LRBA: variants seen among roughly 807,000 people sequenced by gnomAD.
LRBA encodes the protein LPS responsive beige-like anchor protein.
In LRBA, 176 loss-of-function variants were observed where a neutral mutation model predicts 330.0. The observed-to-expected ratio is 0.53, with a 90% CI of 0.47 to 0.60. The LOEUF (loss-of-function observed/expected upper bound fraction) is 0.60, where lower values mean the gene tolerates loss of function less well. LRBA is among the 20% of genes least tolerant of loss of function. The pLI is 0.00. For synonymous variants in LRBA, 1,230 were observed against 1,193.0 expected (o/e 1.03, Z -0.64); for missense variants, 3,259 against 3,444.8 (o/e 0.95, Z 1.35).
At chr4:150,379,024 G>C (rs1038206451) in intron 47 of LRBA, among the ~76,000 whole-genome samples, 5 of 151,934 alleles carry the variant, frequency 3.3e-5, no homozygotes, top group African/African-American at 1.2e-4. Context: ...ATCAGGCCAG[G>C]CATGGTGGCT....
At chr4:150,568,280 T>G (rs1400848946) in intron 40 of LRBA, among the ~76,000 whole-genome samples, 2 of 152,160 alleles carry the variant, frequency 1.3e-5, no homozygotes, top group East Asian at 3.8e-4. Context: ...TGGGGGCCAA[T>G]GTGAAACAAA....
chr4:150,607,803 G>A, intron 37 of LRBA, among the ~76,000 whole-genome samples: 1 of 152,136 alleles, frequency 6.6e-6, no homozygotes, highest in Non-Finnish European at 1.5e-5. Context: ...TTGGGAGGCT[G>A]AGGCGGGCGG....
intron 42 of LRBA, among the ~76,000 whole-genome samples, chr4:150,476,001 T>C (rs1169398300): frequency 6.6e-6 from 1 of 152,172 alleles, no homozygotes; most frequent in Non-Finnish European, 1.5e-5. Context: ...ATTTGTGTCA[T>C]CTTTCATGGT....
chr4:150,357,651 CT>C (rs142531975), intron 47 of LRBA, among the ~76,000 whole-genome samples: 29,729 of 138,200 alleles, frequency 0.22, 3,410 homozygotes, highest in Non-Finnish European at 0.28. Context: ...GGATATTGAG[CT>C]TTTTTTTTTT....
intron 47 of LRBA, among the ~76,000 whole-genome samples, chr4:150,351,608 G>A (rs1426283117): frequency 6.6e-6 from 1 of 152,126 alleles, no homozygotes; most frequent in African/African-American, 2.4e-5. Flanking sequence ...AGAATGGCAT[G>A]AACCCAGGAG....
chr4:150,795,224 T>A (rs1740615679), intron 34 of LRBA, among the ~76,000 whole-genome samples: 1 of 152,070 alleles, frequency 6.6e-6, no homozygotes, highest in Non-Finnish European at 1.5e-5. Flanking sequence ...TACAAACACT[T>A]TATATAATGC....
rs931335064 is a variant in LRBA at position 150,265,939 on chromosome 4, A to G, written c.8469-127T>C. 2.0e-5 allele frequency: 13 copies of G among 651,644 alleles called. No individual in the cohort carries two copies. The African/African-American group carries it at 2.3e-4, about 12-fold the overall frequency. 40.4% of individuals were successfully genotyped at this position (651,644 alleles called of 1,614,324 possible). ...GCAGTGAAGGCTCCAATTTGTGGGA[A>G]CTAAGGTATGTATTTCATGACTAAA... On this transcript the variant is annotated intron_variant, in intron 56 of 56. Transcript: ENST00000651943.
intron 48 of LRBA, among the ~76,000 whole-genome samples, chr4:150,345,580 T>G (rs1170159299): frequency 1.3e-5 from 2 of 152,186 alleles, no homozygotes; most frequent in Admixed American, 6.5e-5. Context: ...GCGGTTTACA[T>G]GCATTATATG....
At chr4:150,670,113 G>A (rs1043624127) in intron 37 of LRBA, among the ~76,000 whole-genome samples, 1 of 152,042 alleles carries the variant, frequency 6.6e-6, no homozygotes, top group African/African-American at 2.4e-5. Flanking sequence ...TGAAACAATG[G>A]AATTATCTTT....
At chr4:150,273,037 A>G (rs747696481) in intron 56 of LRBA, among the ~76,000 whole-genome samples, 15 of 152,182 alleles carry the variant, frequency 9.9e-5, no homozygotes, top group Non-Finnish European at 1.3e-4. Context: ...AAATGAAGGA[A>G]AAATTGTTAA....
chr4:150,442,862 T>C (rs1343633586), intron 44 of LRBA, among the ~76,000 whole-genome samples: 1 of 152,162 alleles, frequency 6.6e-6, no homozygotes, highest in Non-Finnish European at 1.5e-5. Flanking sequence ...TTAGGAAATG[T>C]TACATCATAA....
At chr4:150,778,729 C>A (rs1737758438) in intron 34 of LRBA, among the ~76,000 whole-genome samples, 1 of 152,266 alleles carries the variant, frequency 6.6e-6, no homozygotes, top group East Asian at 1.9e-4. Context: ...TGTATCAGGG[C>A]TCCACATTTA....
intron 40 of LRBA, among the ~76,000 whole-genome samples, chr4:150,520,985 T>C (rs1239077767): frequency 6.6e-6 from 1 of 152,200 alleles, no homozygotes; most frequent in Non-Finnish European, 1.5e-5. Context: ...TTTAATTAAA[T>C]AAGCTTTAGA....
intron 37 of LRBA, among the ~76,000 whole-genome samples, chr4:150,639,736 A>AAT (rs1212252752): frequency 2.3e-4 from 12 of 51,148 alleles, no homozygotes; most frequent in African/African-American, 5.0e-4. Flanking sequence ...CTATGCCCCA[A>AAT]ATATATATAT....
rs532948216 is a variant in LRBA, at chr4:150,959,055, G to A, written c.217-29990C>T. 4.7e-5 allele frequency among the ~76,000 whole-genome samples: 7 copies of A among 149,208 alleles called. No homozygotes were observed. In the East Asian group the frequency reaches 7.7e-4, roughly 16 times the overall value. ...CCCTACCATTACCAATTTACTGTCC[G>A]AGTCTGTTCTCACACTGCTAATAAA... On this transcript the variant is annotated intron_variant, in intron 2 of 56. Transcript: ENST00000651943.
intron 48 of LRBA, among the ~76,000 whole-genome samples, chr4:150,335,721 G>A (rs1371407543): frequency 6.6e-6 from 1 of 151,978 alleles, no homozygotes; most frequent in Non-Finnish European, 1.5e-5. Context: ...TTTTGAGATA[G>A]GATTTCACTT....
chr4:150,930,846 C>T (rs1734410855), intron 2 of LRBA, among the ~76,000 whole-genome samples: 1 of 152,186 alleles, frequency 6.6e-6, no homozygotes, highest in South Asian at 2.1e-4. Context: ...GAGATGACAG[C>T]TGGGATTTTG....
At position 150,278,015 on chromosome 4, in the gene LRBA, C is replaced by T. The variant is rs533802949; in HGVS notation, c.8317-11G>A. The T allele has an allele frequency of 3.1e-6, 5 of 1,612,028 alleles. No individual in the cohort carries two copies. The African/African-American group carries it at 5.3e-5, about 17-fold the overall frequency. ...GCTCAGCTGGATGGCCTGTGAGACA[C>T]AGCAACATTCAGTAGAAATGTGGTT... On this transcript the variant is annotated splice_polypyrimidine_tract_variant and intron_variant, in intron 55 of 56. Transcript: ENST00000651943.
chr4:150,455,826 C>T (rs956660982), intron 44 of LRBA, among the ~76,000 whole-genome samples: 8 of 152,022 alleles, frequency 5.3e-5, no homozygotes, highest in African/African-American at 1.9e-4. Flanking sequence ...ACCACCCTTC[C>T]CAGCCTCTGG....
Sources: allele counts gnomAD v4.1 joint callset (sites outside exome capture counted in the v4.1 genomes callset), GRCh38; gene constraint gnomAD v4.1.1; transcripts MANE v1.5; gene names NCBI Gene and HGNC (gene_info 2026-07-23, HGNC 2026-07-21).